The following RUNX1 variants were observed in gnomAD, a reference collection of about 807,000 sequenced individuals.
RUNX1 encodes runt-related transcription factor 1.
In RUNX1, 19 loss-of-function variants were observed where a neutral mutation model predicts 42.8. The ratio of observed to expected loss-of-function variants is 0.44; its 90% confidence interval spans 0.31 to 0.65. The LOEUF (loss-of-function observed/expected upper bound fraction) is 0.65. Among genes scored for constraint, RUNX1 ranks in the 30% least tolerant of loss-of-function variants. The pLI, the probability that RUNX1 is intolerant of heterozygous loss-of-function variation, is 0.07. For synonymous variants in RUNX1, 271 were observed against 289.4 expected (o/e 0.94, Z 0.64); for missense variants, 528 against 672.0 (o/e 0.79, Z 2.37).
At chr21:34,891,091 GC>G (rs2146446725) in intron 3 of RUNX1, among the ~76,000 whole-genome samples, 1 of 152,308 alleles carries the variant, frequency 6.6e-6, no homozygotes, top group African/African-American at 2.4e-5. Flanking sequence ...CGGGCCGCTT[GC>G]CTAAAACCCT....
Position 34,992,429 on chromosome 21 carries a change from T to G in RUNX1, c.58+56413A>C, listed in dbSNP as rs549103501. Among the ~76,000 whole-genome samples, 14 of 152,248 alleles carry G rather than the reference T, an allele frequency of 9.2e-5. No individual in the cohort carries two copies. In the East Asian group the frequency reaches 2.7e-3, roughly 29 times the overall value. ...CAGCCACCTGGGGCTTCAATCTCCC[T>G]TTTTAGAAAATGAATCCCTGAAGTG... On this transcript the variant is annotated intron_variant, in intron 2 of 8. Transcript: ENST00000675419.
chr21:34,798,340 A>G (rs2145902971), intron 8 of RUNX1, among the ~76,000 whole-genome samples: 1 of 152,310 alleles, frequency 6.6e-6, no homozygotes, highest in East Asian at 1.9e-4. Flanking sequence ...GCCTTCAACA[A>G]AGGAATTTTT....
intron 2 of RUNX1, among the ~76,000 whole-genome samples, chr21:34,906,257 AGGTTTGGG>A (rs1199117620): frequency 6.6e-6 from 1 of 152,192 alleles, no homozygotes; most frequent in Non-Finnish European, 1.5e-5. Flanking sequence ...GGGTTTTGAC[AGGTTTGGG>A]GGTTTAAGAA....
rs143165245 is a variant in RUNX1, at chr21:34,914,710, T to C, written c.59-21747A>G. On this transcript the variant is annotated intron_variant, in intron 2 of 8. Coordinates refer to ENST00000675419, the MANE Select transcript of RUNX1 (RefSeq NM_001754.5). Reference sequence around the variant, plus strand: ...CTTCATGTGGCATGTTTTACACTGGTTCAACTGCGCCTGAGACAGGTGAGA... The same window carrying C: ...CTTCATGTGGCATGTTTTACACTGGCTCAACTGCGCCTGAGACAGGTGAGA... Among the ~76,000 whole-genome samples, 40 of 152,264 alleles carry C rather than the reference T, an allele frequency of 2.6e-4. No individual in the cohort carries two copies. In the East Asian group the frequency reaches 7.3e-3, roughly 28 times the overall value.
intron 2 of RUNX1, among the ~76,000 whole-genome samples, chr21:34,996,771 G>C (rs2059000116): frequency 6.6e-6 from 1 of 151,888 alleles, no homozygotes; most frequent in Non-Finnish European, 1.5e-5. Context: ...TAGTAATGTA[G>C]GCGTTCTGCA....
At chr21:34,871,312 A>C (rs1251321227) in intron 5 of RUNX1, among the ~76,000 whole-genome samples, 1 of 152,158 alleles carries the variant, frequency 6.6e-6, no homozygotes, top group Non-Finnish European at 1.5e-5. Context: ...GTTAATGCTT[A>C]CTAGTCACAG....
At chr21:34,942,116 G>A (rs2058531739) in intron 2 of RUNX1, among the ~76,000 whole-genome samples, 1 of 152,048 alleles carries the variant, frequency 6.6e-6, no homozygotes. Flanking sequence ...GAGATTTTAT[G>A]GTAATGGGAT....
At chr21:34,995,480 A>C (rs1404301136) in intron 2 of RUNX1, among the ~76,000 whole-genome samples, 2 of 120,208 alleles carry the variant, frequency 1.7e-5, no homozygotes, top group African/African-American at 6.7e-5. Flanking sequence ...TTGCTCTGTC[A>C]CCCAGGCTGG....
intron 7 of RUNX1, among the ~76,000 whole-genome samples, chr21:34,817,468 C>A (rs1240869453): frequency 6.6e-6 from 1 of 152,150 alleles, no homozygotes; most frequent in Non-Finnish European, 1.5e-5. Context: ...AGCAATGGGG[C>A]TTAGTGCTTA....
At chr21:35,047,508 A>G (rs1208295838) in intron 2 of RUNX1, among the ~76,000 whole-genome samples, 1 of 106,260 alleles carries the variant, frequency 9.4e-6, no homozygotes, top group Non-Finnish European at 1.9e-5. Context: ...CTCTCTTGCC[A>G]TCTCCAACAC....
intron 2 of RUNX1, among the ~76,000 whole-genome samples, chr21:35,041,142 G>T (rs960419776): frequency 6.6e-5 from 10 of 152,196 alleles, no homozygotes; most frequent in African/African-American, 2.4e-4. Context: ...CTTTTGAGAA[G>T]TCACAGTCTC....
In RUNX1 at chr21:34,891,579, T is replaced by A. The variant is rs189941465; in HGVS notation, c.97+1346A>T. On this transcript the variant is annotated intron_variant, in intron 3 of 8. Transcript: ENST00000675419. Reference sequence around the variant, plus strand: ...AGGAATTCCTTTCCACCAAGAGCGCTCATTTTAGCGACAATACAGAATTCC... The same window carrying A: ...AGGAATTCCTTTCCACCAAGAGCGCACATTTTAGCGACAATACAGAATTCC... Among the ~76,000 whole-genome samples the A allele has an allele frequency of 3.0e-3, 453 of 152,076 alleles. 1 individual carries two copies. Among genetic ancestry groups the A allele is most frequent in the Middle Eastern group, 0.02 (6 of 294 alleles).
chr21:34,893,026 C>CTT (rs376929893), intron 2 of RUNX1, 63 bp from the exon 3 acceptor site: 496 of 849,196 alleles, frequency 5.8e-4, no homozygotes, highest in South Asian at 1.1e-3. Flanking sequence ...TTTCCCCCGA[C>CTT]TTTTTTTTTT....
intron 2 of RUNX1, among the ~76,000 whole-genome samples, chr21:35,005,866 AG>A (rs1236424671): frequency 6.6e-6 from 1 of 152,208 alleles, no homozygotes; most frequent in Non-Finnish European, 1.5e-5. Flanking sequence ...CCACATTTGC[AG>A]GTGTGCCTCA....
At chr21:34,888,523 A>C in intron 3 of RUNX1, 1 of 1,064,790 alleles carries the variant, frequency 9.4e-7, no homozygotes, top group Non-Finnish European at 1.1e-6. Flanking sequence ...AACAACAAAA[A>C]AAGGAAGGTC....
intron 2 of RUNX1, among the ~76,000 whole-genome samples, chr21:34,995,340 A>G (rs1340390628): frequency 1.3e-5 from 2 of 151,814 alleles, no homozygotes; most frequent in Non-Finnish European, 2.9e-5. Context: ...TGAGTAATCC[A>G]TTAAAGTCAT....
At chr21:34,960,982 A>T (rs769281182) in intron 2 of RUNX1, among the ~76,000 whole-genome samples, 5 of 152,352 alleles carry the variant, frequency 3.3e-5, no homozygotes, top group Admixed American at 2.0e-4. Context: ...TGTGAAGATA[A>T]AATAGTCTTG....
At chr21:35,000,748 G>A (rs1174092265) in intron 2 of RUNX1, among the ~76,000 whole-genome samples, 3 of 152,070 alleles carry the variant, frequency 2.0e-5, no homozygotes, top group South Asian at 2.1e-4. Flanking sequence ...TCTCTCAACC[G>A]TCTCTCACAT....
chr21:35,004,268 A>G (rs2059067556), intron 2 of RUNX1, among the ~76,000 whole-genome samples: 1 of 152,246 alleles, frequency 6.6e-6, no homozygotes, highest in African/African-American at 2.4e-5. Flanking sequence ...CCATGGGATG[A>G]CAAAGTGCCT....
Sources: gnomAD v4.1 joint callset for allele counts (sites outside exome capture counted in the v4.1 genomes callset) on GRCh38, gnomAD v4.1.1 for gene constraint, MANE v1.5 for transcripts, NCBI Gene and HGNC (gene_info 2026-07-23, HGNC 2026-07-21) for gene names.